Variants in KCTD3 observed in about 807,000 individuals in gnomAD.
The protein encoded by KCTD3 is BTB/POZ domain-containing protein KCTD3.
Under a neutral mutation model 85.8 loss-of-function variants are expected in KCTD3, and 41 were observed. That is an observed-to-expected ratio of 0.48 (90% CI 0.37 to 0.62). KCTD3 has a LOEUF of 0.62. Among genes scored for constraint, KCTD3 ranks in the 20% least tolerant of loss-of-function variants. The pLI, the probability that KCTD3 is intolerant of heterozygous loss-of-function variation, is 0.00. For missense variants in KCTD3, 724 were observed against 989.9 expected (o/e 0.73, Z 3.60); for synonymous variants, 338 against 345.4 (o/e 0.98, Z 0.24).
chr1:215,578,380 C>T (rs1558229716), intron 6 of KCTD3, among the ~76,000 whole-genome samples: 1 of 152,168 alleles, frequency 6.6e-6, no homozygotes, highest in Non-Finnish European at 1.5e-5. Context: ...ACCACTACAA[C>T]TTTATTTACA....
chr1:215,582,993 T>C (rs1387838713), intron 8 of KCTD3, among the ~76,000 whole-genome samples: 1 of 152,256 alleles, frequency 6.6e-6, no homozygotes, highest in Non-Finnish European at 1.5e-5. Flanking sequence ...GTTGTTATAG[T>C]TATTTTTAAA....
In KCTD3 at chr1:215,567,555, G is replaced by A; in HGVS notation, c.-131G>A. On this transcript the variant is annotated 5_prime_UTR_variant, in exon 1 of 18. Transcript: ENST00000259154. ...GCCGGGAAGGTGGGGGAAGCCCCGT[G>A]CACCCCCCGCCCTCCGGCCGCCGCC... The A allele has an allele frequency of 5.3e-6, 2 of 375,916 alleles. No homozygotes were observed. Among genetic ancestry groups the A allele is most frequent in the Admixed American group, 5.0e-5 (1 of 20,116 alleles). 23.3% of individuals were successfully genotyped at this position (375,916 alleles called of 1,614,324 possible). A position where few individuals can be genotyped will look rare whatever the true frequency, so the allele number is the denominator to read the frequency against.
At position 215,590,972 on chromosome 1, in the gene KCTD3, A is replaced by AG. The variant is rs1332075232; in HGVS notation, c.817+4289dup. Among the ~76,000 whole-genome samples, 7 of 152,146 alleles carry AG rather than the reference A, an allele frequency of 4.6e-5. No homozygotes were observed. The South Asian group carries it at 6.2e-4, about 13-fold the overall frequency. On this transcript the variant is annotated intron_variant, in intron 9 of 17. Coordinates refer to ENST00000259154, the MANE Select transcript of KCTD3 (RefSeq NM_016121.5). ...ATTACTAAAGGATCTTGAACCTGTT[A>AG]GGCTTGTTTCAGTACTTTGTTAGGA...
chr1:215,587,910 T>C (rs1050106428), intron 9 of KCTD3, among the ~76,000 whole-genome samples: 2 of 152,230 alleles, frequency 1.3e-5, no homozygotes, highest in Non-Finnish European at 2.9e-5. Context: ...TGCTGAGTTA[T>C]GTAGATCTAC....
Position 215,620,807 on chromosome 1 carries a change from T to C in KCTD3, c.*189T>C, listed in dbSNP as rs1655655647. Reference sequence around the variant, plus strand: ...TATCTCTTTTGACATTTTGGAAATTTTTTTAATTTTACAAGTACATTTAAC... The same window carrying C: ...TATCTCTTTTGACATTTTGGAAATTCTTTTAATTTTACAAGTACATTTAAC... On this transcript the variant is annotated 3_prime_UTR_variant, in exon 18 of 18. Transcript: ENST00000259154. The C allele has an allele frequency of 2.0e-6, 1 of 511,714 alleles. No homozygotes were observed. Among genetic ancestry groups the C allele is most frequent in the African/African-American group, 2.0e-5 (1 of 50,644 alleles). The allele number at this position is 511,714 out of a possible 1,614,324, so 31.7% of individuals were successfully genotyped here.
intron 4 of KCTD3, among the ~76,000 whole-genome samples, chr1:215,576,400 T>C (rs528645407): frequency 9.3e-5 from 14 of 151,192 alleles, no homozygotes; most frequent in African/African-American, 3.4e-4. Flanking sequence ...ACTAAGACTT[T>C]GATTAAAAGT....
rs1660314680 is a variant in KCTD3, at chr1:215,593,922, A to G, written c.818-1434A>G. Among the ~76,000 whole-genome samples, 3 of 132,796 alleles carry G rather than the reference A, an allele frequency of 2.3e-5. No homozygotes were observed. In the South Asian group the frequency reaches 6.8e-4, roughly 30 times the overall value. 87.1% of individuals were successfully genotyped at this position (132,796 alleles called of 152,430 possible). A position where few individuals can be genotyped will look rare whatever the true frequency, so the allele number is the denominator to read the frequency against. Reference sequence around the variant, plus strand: ...GTCACCCAGGCTGGAGTGCAGTGGTATGGTCTCGGCTCACTGTAACCTCTG... The same window carrying G: ...GTCACCCAGGCTGGAGTGCAGTGGTGTGGTCTCGGCTCACTGTAACCTCTG... On this transcript the variant is annotated intron_variant, in intron 9 of 17. Coordinates refer to ENST00000259154, the MANE Select transcript of KCTD3 (RefSeq NM_016121.5).
intron 1 of KCTD3, 124 bp downstream of exon 1, chr1:215,567,892 T>A (rs1659202418): frequency 1.7e-6 from 1 of 587,548 alleles, no homozygotes; most frequent in Non-Finnish European, 2.5e-6. Flanking sequence ...GAGGGGAACG[T>A]GGGGGCCTCC....
chr1:215,602,262 T>C lies in KCTD3; in HGVS notation c.1138+61T>C, dbSNP rs551875755. On this transcript the variant is annotated intron_variant, in intron 12 of 17. Coordinates refer to ENST00000259154, the MANE Select transcript of KCTD3 (RefSeq NM_016121.5). Reference sequence around the variant, plus strand: ...TTTATCTTTTTATTCATTAGTTTATTATGTGACTAGGTCAAATTAAACTGG... The same window carrying C: ...TTTATCTTTTTATTCATTAGTTTATCATGTGACTAGGTCAAATTAAACTGG... 1.6e-4 allele frequency: 134 copies of C among 827,854 alleles called. No individual in the cohort carries two copies. In the Middle Eastern group the frequency reaches 3.8e-3, roughly 24 times the overall value. The allele number at this position is 827,854 out of a possible 1,614,324, so 51.3% of individuals were successfully genotyped here.
At chr1:215,602,300 T>C in intron 12 of KCTD3, 99 bp downstream of exon 12, 1 of 633,984 alleles carries the variant, frequency 1.6e-6, no homozygotes. Context: ...TATTTCTTTT[T>C]GAGAACTGCA....
chr1:215,610,732 A>G (rs1048424576), intron 14 of KCTD3, among the ~76,000 whole-genome samples: 6 of 152,028 alleles, frequency 3.9e-5, no homozygotes, highest in African/African-American at 9.7e-5. Flanking sequence ...TATAGGACCT[A>G]TGAGAACTTT....
intron 10 of KCTD3, 70 bp from the exon 11 acceptor site, chr1:215,601,797 T>C: frequency 1.1e-6 from 1 of 923,148 alleles, no homozygotes; most frequent in East Asian, 2.5e-5. Context: ...ATCAAAGTTT[T>C]GAGGAAATTG....
chr1:215,586,740 A>G (rs1419580186), intron 9 of KCTD3, 55 bp downstream of exon 9: 19 of 1,421,092 alleles, frequency 1.3e-5, no homozygotes, highest in Non-Finnish European at 1.4e-5. Flanking sequence ...TTTGAAGTTT[A>G]TAAAAGAGAT....
At chr1:215,586,908 A>G (rs1003133866) in intron 9 of KCTD3, among the ~76,000 whole-genome samples, 7 of 152,154 alleles carry the variant, frequency 4.6e-5, no homozygotes, top group Admixed American at 4.6e-4. Flanking sequence ...TGGCTGCTCT[A>G]TGAAAATATT....
At chr1:215,592,689 A>G (rs1388454173) in intron 9 of KCTD3, among the ~76,000 whole-genome samples, 9 of 152,214 alleles carry the variant, frequency 5.9e-5, no homozygotes, top group Admixed American at 5.9e-4. Context: ...AAAAGGAGCC[A>G]TTTGTTGTTA....
At chr1:215,607,910 A>C (rs1655095083) in intron 13 of KCTD3, 107 bp from the exon 14 acceptor site, 1 of 726,820 alleles carries the variant, frequency 1.4e-6, no homozygotes, top group Non-Finnish European at 2.0e-6. Flanking sequence ...TAAATATGTC[A>C]TTTGCCACTT....
At chr1:215,616,726 C>T (rs1655465112) in intron 15 of KCTD3, among the ~76,000 whole-genome samples, 1 of 152,184 alleles carries the variant, frequency 6.6e-6, no homozygotes, top group Admixed American at 6.5e-5. Flanking sequence ...CGCCATTGCA[C>T]TCCAGCCTGG....
chr1:215,580,084 AT>A (rs551002289), intron 8 of KCTD3, 85 bp downstream of exon 8: 1,465 of 863,288 alleles, frequency 1.7e-3, no homozygotes, highest in South Asian at 2.4e-3. Flanking sequence ...TTGAAAAGCT[AT>A]TTTTTTTTAG....
chr1:215,567,571 G>C lies in KCTD3; in HGVS notation c.-115G>C, dbSNP rs1659175707. 1.1e-5 allele frequency: 5 copies of C among 463,128 alleles called. No individual in the cohort carries two copies. The highest frequency in any genetic ancestry group is 1.0e-4 in the Admixed American group (2 of 19,806). 28.7% of individuals were successfully genotyped at this position (463,128 alleles called of 1,614,324 possible). A position where few individuals can be genotyped will look rare whatever the true frequency, so the allele number is the denominator to read the frequency against. Reference sequence around the variant, plus strand: ...AAGCCCCGTGCACCCCCCGCCCTCCGGCCGCCGCCGCCCCGCTGGCCCTGC... The same window carrying C: ...AAGCCCCGTGCACCCCCCGCCCTCCCGCCGCCGCCGCCCCGCTGGCCCTGC... On this transcript the variant is annotated 5_prime_UTR_variant, in exon 1 of 18. Transcript: ENST00000259154.
Sources: gnomAD v4.1 joint callset for allele counts (sites outside exome capture counted in the v4.1 genomes callset) on GRCh38, gnomAD v4.1.1 for gene constraint, MANE v1.5 for transcripts, NCBI Gene and HGNC (gene_info 2026-07-23, HGNC 2026-07-21) for gene names.